Variants in HCN1 observed in about 807,000 individuals in gnomAD.
HCN1 encodes the protein hyperpolarization activated cyclic nucleotide gated potassium channel 1.
Under a neutral mutation model 78.9 loss-of-function variants are expected in HCN1, and 13 were observed. That is an observed-to-expected ratio of 0.16 (90% CI 0.11 to 0.26). The LOEUF (loss-of-function observed/expected upper bound fraction) is 0.26, where lower values mean the gene tolerates loss of function less well. Among genes scored for constraint, HCN1 ranks in the 10% least tolerant of loss-of-function variants. HCN1 has a pLI of 1.00. For synonymous variants in HCN1, 552 were observed against 455.5 expected, an observed-to-expected ratio of 1.21 and a Z score of -2.70; for missense variants, 810 against 1,154.3, an observed-to-expected ratio of 0.70 and a Z score of 4.32.
intron 2 of HCN1, among the ~76,000 whole-genome samples, chr5:45,599,063 G>A (rs773744890): frequency 6.6e-6 from 1 of 152,054 alleles, no homozygotes; most frequent in East Asian, 1.9e-4. Context: ...CCCTTTATTG[G>A]GTACATACCC....
chr5:45,500,662 C>G (rs62369087), intron 2 of HCN1, among the ~76,000 whole-genome samples: 10,443 of 152,146 alleles, frequency 0.069, 447 homozygotes, highest in East Asian at 0.14. Context: ...TCTTAACATA[C>G]AACCTAACCC....
intron 1 of HCN1, among the ~76,000 whole-genome samples, chr5:45,658,461 C>T (rs915163790): frequency 2.0e-5 from 3 of 152,130 alleles, no homozygotes; most frequent in Non-Finnish European, 2.9e-5. Context: ...CCAAGATGGC[C>T]GAATAGGAAC....
At chr5:45,640,554 T>C (rs1446957961) in intron 2 of HCN1, among the ~76,000 whole-genome samples, 1 of 151,734 alleles carries the variant, frequency 6.6e-6, no homozygotes, top group Non-Finnish European at 1.5e-5. Flanking sequence ...GAATACCTTC[T>C]GGAAATGAGT....
At chr5:45,459,255 A>G (rs992828512) in intron 3 of HCN1, among the ~76,000 whole-genome samples, 2 of 151,898 alleles carry the variant, frequency 1.3e-5, no homozygotes, top group African/African-American at 4.8e-5. Context: ...TAAAAACAAT[A>G]AAATAAAATA....
intron 2 of HCN1, among the ~76,000 whole-genome samples, chr5:45,591,928 A>G (rs565212455): frequency 1.2e-4 from 18 of 151,798 alleles, no homozygotes; most frequent in South Asian, 2.1e-4. Context: ...TGTATTTTAC[A>G]TTTAGCTCCG....
At chr5:45,639,971 T>C (rs1315388425) in intron 2 of HCN1, among the ~76,000 whole-genome samples, 1 of 152,164 alleles carries the variant, frequency 6.6e-6, no homozygotes, top group Non-Finnish European at 1.5e-5. Flanking sequence ...CTAGGCTGCT[T>C]GTATCTCGTG....
chr5:45,281,612 G>A (rs1232412701), intron 6 of HCN1, among the ~76,000 whole-genome samples: 27 of 110,944 alleles, frequency 2.4e-4, no homozygotes, highest in African/African-American at 9.3e-4. Context: ...TTTTTGAGAC[G>A]GAGTCTCACT....
intron 5 of HCN1, among the ~76,000 whole-genome samples, chr5:45,321,769 G>A (rs1746131498): frequency 6.6e-6 from 1 of 151,688 alleles, no homozygotes; most frequent in Admixed American, 6.6e-5. Flanking sequence ...AACATACATG[G>A]TTCTAGTTAA....
chr5:45,390,555 T>C (rs1433173358), intron 4 of HCN1, among the ~76,000 whole-genome samples: 1 of 152,162 alleles, frequency 6.6e-6, no homozygotes, highest in Admixed American at 6.6e-5. Context: ...GAGAAATCTT[T>C]AGCACTTTGC....
intron 2 of HCN1, among the ~76,000 whole-genome samples, chr5:45,500,878 C>T (rs1288957327): frequency 6.6e-6 from 1 of 152,094 alleles, no homozygotes; most frequent in Non-Finnish European, 1.5e-5. Flanking sequence ...GAAGTTTCTC[C>T]CCAATTTACT....
chr5:45,500,193 T>A (rs1485289185), intron 2 of HCN1, among the ~76,000 whole-genome samples: 1 of 152,206 alleles, frequency 6.6e-6, no homozygotes, highest in East Asian at 1.9e-4. Flanking sequence ...TTTTTCTTAT[T>A]TTAAAATTAA....
intron 2 of HCN1, among the ~76,000 whole-genome samples, chr5:45,515,766 C>A (rs950722493): frequency 3.3e-5 from 5 of 151,924 alleles, no homozygotes; most frequent in African/African-American, 9.7e-5. Context: ...AACATCATAT[C>A]TTTTCAGATT....
chr5:45,386,594 CATT>C (rs1747913877), intron 4 of HCN1, among the ~76,000 whole-genome samples: 1 of 152,082 alleles, frequency 6.6e-6, no homozygotes, highest in Admixed American at 6.6e-5. Flanking sequence ...TTCAGGGGCT[CATT>C]ATTACTAGCA....
intron 4 of HCN1, among the ~76,000 whole-genome samples, chr5:45,388,118 T>A (rs1747964829): frequency 6.6e-6 from 1 of 152,128 alleles, no homozygotes; most frequent in Non-Finnish European, 1.5e-5. Context: ...GCTACTATTG[T>A]TTTTCAAGTA....
chr5:45,321,900 A>ATCT (rs1746134039), intron 5 of HCN1, among the ~76,000 whole-genome samples: 1 of 151,910 alleles, frequency 6.6e-6, no homozygotes, highest in Non-Finnish European at 1.5e-5. Flanking sequence ...TTTATTTTGC[A>ATCT]TACAAAAATA....
At chr5:45,448,285 C>T (rs1740840229) in intron 3 of HCN1, among the ~76,000 whole-genome samples, 1 of 152,138 alleles carries the variant, frequency 6.6e-6, no homozygotes, top group African/African-American at 2.4e-5. Flanking sequence ...GGATTGAGCT[C>T]ATTTGGAATA....
At chr5:45,399,259 A>G (rs1427806190) in intron 3 of HCN1, among the ~76,000 whole-genome samples, 1 of 152,146 alleles carries the variant, frequency 6.6e-6, no homozygotes, top group Non-Finnish European at 1.5e-5. Context: ...CTGCTGAGTG[A>G]TGCATATGCT....
chr5:45,680,019 T>TA, intron 1 of HCN1, among the ~76,000 whole-genome samples: 1 of 152,252 alleles, frequency 6.6e-6, no homozygotes, highest in East Asian at 1.9e-4. Context: ...ACAAGCATGA[T>TA]AAAGTTAAAA....
At chr5:45,375,060 A>ATATATATAATATATTATATATAAT (rs1385320490) in intron 4 of HCN1, among the ~76,000 whole-genome samples, 3 of 125,640 alleles carry the variant, frequency 2.4e-5, no homozygotes, top group Non-Finnish European at 3.2e-5. Context: ...AATTTTATAT[A>ATATATATAATATATTATATATAAT]TATATATAAT....
Sources: gnomAD v4.1 joint callset for allele counts (sites outside exome capture counted in the v4.1 genomes callset) on GRCh38, gnomAD v4.1.1 for gene constraint, MANE v1.5 for transcripts, NCBI Gene and HGNC (gene_info 2026-07-23, HGNC 2026-07-21) for gene names.